Variants in STON1 observed in about 807,000 individuals in gnomAD.
The protein encoded by STON1 is stonin-1.
STON1 carries 79 observed loss-of-function variants against 60.9 expected under a neutral mutation model. The ratio of observed to expected loss-of-function variants is 1.30; its 90% CI spans 1.08 to 1.56. The LOEUF (loss-of-function observed/expected upper bound fraction) is 1.56, where lower values mean the gene tolerates loss of function less well. STON1 is among the 40% of genes most tolerant of loss of function. The pLI, the probability that STON1 is intolerant of heterozygous loss-of-function variation, is 0.00. For synonymous variants in STON1, 363 were observed against 306.9 expected (o/e 1.18, Z -1.91); for missense variants, 1,166 against 858.9 (o/e 1.36, Z -4.47).
At chr2:48,564,499 T>C (rs1572952921) in intron 1 of STON1, among the ~76,000 whole-genome samples, 12 of 21,428 alleles carry the variant, frequency 5.6e-4, no homozygotes, top group South Asian at 2.6e-3. Flanking sequence ...CTTCTTCTTC[T>C]TCTTCTTCTT....
intron 2 of STON1, among the ~76,000 whole-genome samples, chr2:48,589,054 G>A (rs754538211): frequency 6.6e-6 from 1 of 152,296 alleles, no homozygotes; most frequent in Middle Eastern, 3.4e-3. Flanking sequence ...TGGTGGCACA[G>A]AATTATTAAG....
Position 48,563,071 on chromosome 2 carries a change from G to T in STON1, c.-47-17516G>T, listed in dbSNP as rs1009916799. The stretch of plus-strand genomic sequence containing the variant: ...CTGTGAAGGGCAGGTAACCAGGAAT[G>T]GTGACATGGTAAGGTTGAGTGGAGA... On this transcript the variant is annotated intron_variant, in intron 1 of 3. Coordinates refer to ENST00000404752, the MANE Select transcript of STON1 (RefSeq NM_006873.4). Among the ~76,000 whole-genome samples, 3 of 152,240 alleles carry T rather than the reference G, an allele frequency of 2.0e-5. No individual in the cohort carries two copies. The South Asian group carries it at 6.2e-4, about 32-fold the overall frequency.
At chr2:48,589,592 G>A (rs1231774018) in intron 2 of STON1, among the ~76,000 whole-genome samples, 1 of 152,112 alleles carries the variant, frequency 6.6e-6, no homozygotes, top group African/African-American at 2.4e-5. Context: ...AAACTTGAAA[G>A]GAAAAAGGCT....
chr2:48,540,282 C>T (rs1408377155), intron 1 of STON1, among the ~76,000 whole-genome samples: 3 of 152,202 alleles, frequency 2.0e-5, no homozygotes, highest in Non-Finnish European at 2.9e-5. Context: ...ACCCCACAGC[C>T]CTTGTTACAG....
intron 1 of STON1, among the ~76,000 whole-genome samples, chr2:48,536,088 A>T (rs900971035): frequency 2.0e-5 from 3 of 151,006 alleles, no homozygotes; most frequent in African/African-American, 7.4e-5. Context: ...CTCTGTCTCA[A>T]AAAATAAATC....
chr2:48,577,232 G>T (rs1030828884), intron 1 of STON1, among the ~76,000 whole-genome samples: 1 of 151,694 alleles, frequency 6.6e-6, no homozygotes, highest in Admixed American at 6.6e-5. Flanking sequence ...TCATATCCAA[G>T]AAATCATTGC....
chr2:48,540,585 G>A (rs1043564420), intron 1 of STON1, among the ~76,000 whole-genome samples: 10 of 152,202 alleles, frequency 6.6e-5, no homozygotes, highest in Admixed American at 5.9e-4. Context: ...CTACACATCC[G>A]CTTATCTGTA....
chr2:48,551,419 C>G (rs964089601), intron 1 of STON1, among the ~76,000 whole-genome samples: 1 of 152,006 alleles, frequency 6.6e-6, no homozygotes, highest in African/African-American at 2.4e-5. Flanking sequence ...TGTGCCATGA[C>G]CAAGGGCCAA....
At chr2:48,564,462 T>C (rs1160130419) in intron 1 of STON1, among the ~76,000 whole-genome samples, 3 of 53,552 alleles carry the variant, frequency 5.6e-5, no homozygotes, top group Admixed American at 1.8e-4. Context: ...CTTCTTCTTC[T>C]TCTTCTTCTT....
Position 48,582,470 on chromosome 2 carries a change from C to G in STON1, c.1837C>G (p.Pro613Ala), listed in dbSNP as rs149692974. ...GAGTTTACAGGAACTTGAATCTGAA[C>G]CTGTCATTCAAGTCACTGTGGGGTC... is the stretch of plus-strand genomic sequence containing the variant. ...LGSLQELESE[P>A]VIQVTVGSAK... The change falls in exon 2 of 4, where the codon CCT becomes GCT. Residue 613 changes from proline to alanine, a missense_variant. By Grantham distance (27) the Pro-to-Ala change is conservative. Transcript: ENST00000404752. 6,072 of 1,614,204 alleles carry G rather than the reference C, an allele frequency of 3.8e-3. 21 individuals carry two copies. Among genetic ancestry groups the G allele is most frequent in the Non-Finnish European group, 4.3e-3 (5,054 of 1,180,044 alleles).
At chr2:48,576,178 T>A (rs1226620589) in intron 1 of STON1, among the ~76,000 whole-genome samples, 3 of 138,352 alleles carry the variant, frequency 2.2e-5, no homozygotes, top group Middle Eastern at 7.1e-3. Flanking sequence ...ATTTGTTGTT[T>A]TCCTTTCTTT....
intron 1 of STON1, chr2:48,531,457 G>T (rs1671208370): frequency 6.6e-6 from 1 of 152,198 alleles, no homozygotes; most frequent in Non-Finnish European, 1.5e-5. Flanking sequence ...CATTTGTGTG[G>T]TTTTTCTGTC....
intron 2 of STON1, among the ~76,000 whole-genome samples, chr2:48,587,777 A>G (rs11888325): frequency 0.32 from 48,993 of 152,136 alleles, 8,017 homozygotes; most frequent in South Asian, 0.38. Flanking sequence ...AATTCACTGA[A>G]CAAATCCTTT....
intron 1 of STON1, among the ~76,000 whole-genome samples, chr2:48,572,085 C>G (rs1046659399): frequency 6.6e-6 from 1 of 152,134 alleles, no homozygotes; most frequent in Non-Finnish European, 1.5e-5. Flanking sequence ...ATTGCTTGAA[C>G]CTGGGAGGCA....
At chr2:48,534,118 T>C (rs1196688804) in intron 1 of STON1, among the ~76,000 whole-genome samples, 1 of 152,170 alleles carries the variant, frequency 6.6e-6, no homozygotes, top group Non-Finnish European at 1.5e-5. Flanking sequence ...ACTATAATTT[T>C]ACTCTTTGAA....
intron 1 of STON1, among the ~76,000 whole-genome samples, chr2:48,533,749 A>G (rs972407816): frequency 6.8e-6 from 1 of 148,138 alleles, no homozygotes; most frequent in Admixed American, 6.9e-5. Flanking sequence ...TTGTATAAGA[A>G]TGTTGAATTA....
chr2:48,581,283 AC>A lies in STON1; in HGVS notation c.652del (p.Gln218LysfsTer4), dbSNP rs750835360. On this transcript the variant is annotated frameshift_variant, in exon 2 of 4. Coordinates refer to ENST00000404752, the MANE Select transcript of STON1 (RefSeq NM_006873.4). LOFTEE classifies it high-confidence loss of function. ...TCAAGAAACAAGGAGATGCCTATTG[AC>A]CAAAAAAGCCTAAATAAGTGTTCAC... ...FSSRNKEMPI[D>X]QKSLNKCSLN... The A allele has an allele frequency of 3.4e-5, 52 of 1,520,322 alleles. 1 individual carries two copies. The East Asian group carries it at 8.6e-4, about 25-fold the overall frequency. The allele number at this position is 1,520,322 out of a possible 1,614,324, so 94.2% of individuals were successfully genotyped here.
At chr2:48,538,399 A>G (rs1219999234) in intron 1 of STON1, among the ~76,000 whole-genome samples, 1 of 152,176 alleles carries the variant, frequency 6.6e-6, no homozygotes, top group East Asian at 1.9e-4. Context: ...TTCATAAATG[A>G]TTAGTGATGA....
At position 48,540,637 on chromosome 2, in the gene STON1, A is replaced by T. The variant is rs116378740; in HGVS notation, c.-48+10421A>T. On this transcript the variant is annotated intron_variant, in intron 1 of 3. Coordinates refer to ENST00000404752, the MANE Select transcript of STON1 (RefSeq NM_006873.4). The stretch of plus-strand genomic sequence containing the variant: ...TTATAGTAAACCAGTAAACCTAAGT[A>T]ACTTTCCCTGAGTTCTGTGAGCTGC... Among the ~76,000 whole-genome samples the T allele has an allele frequency of 9.8e-3, 1,496 of 152,318 alleles. 27 individuals are homozygous for T. The highest frequency in any genetic ancestry group is 0.033 in the African/African-American group (1,379 of 41,562).
Sources: gnomAD v4.1 joint callset for allele counts (sites outside exome capture counted in the v4.1 genomes callset) on GRCh38, gnomAD v4.1.1 for gene constraint, MANE v1.5 for transcripts, NCBI Gene and HGNC (gene_info 2026-07-23, HGNC 2026-07-21) for gene names.